The following HERPUD2 variants were observed in gnomAD, a reference collection of about 807,000 sequenced individuals.
The protein encoded by HERPUD2 is HERPUD family member 2.
Under a neutral mutation model 49.9 loss-of-function variants are expected in HERPUD2, and 13 were observed. That is an observed-to-expected ratio of 0.26 (90% CI 0.17 to 0.41). HERPUD2 has a LOEUF of 0.41. Among genes scored for constraint, HERPUD2 ranks in the 10% least tolerant of loss-of-function variants. HERPUD2 has a pLI of 1.00. For missense variants in HERPUD2, 449 were observed against 492.2 expected (o/e 0.91, Z 0.83); for synonymous variants, 172 against 171.4 (o/e 1.00, Z -0.03).
At chr7:35,665,317 G>A (rs1460578499) in intron 5 of HERPUD2, among the ~76,000 whole-genome samples, 1 of 152,230 alleles carries the variant, frequency 6.6e-6, no homozygotes, top group East Asian at 1.9e-4. Flanking sequence ...CTCGGCAATG[G>A]CAGATGCCCC....
chr7:35,661,148 T>C (rs1482243217), intron 5 of HERPUD2, among the ~76,000 whole-genome samples: 2 of 152,196 alleles, frequency 1.3e-5, no homozygotes, highest in South Asian at 2.1e-4. Context: ...CCTTTCCCCA[T>C]TTCTTGTTTT....
chr7:35,689,610 C>T (rs1456624491), intron 2 of HERPUD2, among the ~76,000 whole-genome samples: 1 of 152,118 alleles, frequency 6.6e-6, no homozygotes, highest in Non-Finnish European at 1.5e-5. Context: ...ACAACAGAAC[C>T]TATATATACA....
chr7:35,686,747 C>CAAAA lies in HERPUD2; in HGVS notation c.147+7436_147+7437insTTTT, dbSNP rs1187930200. 3.2e-3 allele frequency among the ~76,000 whole-genome samples: 66 copies of CAAAA among 20,666 alleles called. 6 individuals carry two copies. Among genetic ancestry groups the CAAAA allele is most frequent in the East Asian group, 9.0e-3 (3 of 332 alleles). 13.6% of individuals were successfully genotyped at this position (20,666 alleles called of 152,430 possible). ...AAAAAAAAAAAAAAAAAAAAAAAAC[C>CAAAA]AAACCCATTTCCAGGCCAGGGGTGG... On this transcript the variant is annotated intron_variant, in intron 2 of 8. Coordinates refer to ENST00000311350, the MANE Select transcript of HERPUD2 (RefSeq NM_022373.5).
At chr7:35,656,741 G>A (rs1785283042) in intron 5 of HERPUD2, among the ~76,000 whole-genome samples, 2 of 152,100 alleles carry the variant, frequency 1.3e-5, no homozygotes, top group Admixed American at 1.3e-4. Flanking sequence ...CAACAAAGGT[G>A]TCAAGAACAT....
intron 5 of HERPUD2, among the ~76,000 whole-genome samples, chr7:35,645,178 A>G (rs1241251802): frequency 6.6e-6 from 1 of 152,238 alleles, no homozygotes; most frequent in African/African-American, 2.4e-5. Context: ...AGTACAATAA[A>G]GTCTTTAAAA....
At chr7:35,662,014 T>C (rs1785435011) in intron 5 of HERPUD2, among the ~76,000 whole-genome samples, 1 of 152,240 alleles carries the variant, frequency 6.6e-6, no homozygotes, top group Non-Finnish European at 1.5e-5. Context: ...TGTGGGTGTG[T>C]CATAAACAGC....
chr7:35,679,541 G>C (rs1785834723), intron 2 of HERPUD2, among the ~76,000 whole-genome samples: 1 of 152,192 alleles, frequency 6.6e-6, no homozygotes, highest in African/African-American at 2.4e-5. Flanking sequence ...TTTATCATTT[G>C]CTTCTCTGGA....
chr7:35,637,176 T>G, intron 6 of HERPUD2, among the ~76,000 whole-genome samples: 2 of 144,144 alleles, frequency 1.4e-5, no homozygotes. Context: ...GATAGATAGA[T>G]AGATAGATAG....
intron 5 of HERPUD2, among the ~76,000 whole-genome samples, 170 bp from the exon 6 acceptor site, chr7:35,638,642 T>C (rs1784913627): frequency 6.6e-6 from 1 of 152,260 alleles, no homozygotes; most frequent in Admixed American, 6.5e-5. Flanking sequence ...ATGTCTTACA[T>C]AAGTTGACCC....
Position 35,638,483 on chromosome 7 carries a change from T to TA in HERPUD2, c.495-12dup. On this transcript the variant is annotated splice_polypyrimidine_tract_variant and intron_variant, in intron 5 of 8. Transcript: ENST00000311350. Reference sequence around the variant, plus strand: ...TGGTTGTCTACATTTCTGCAAGAAATAAATAATGAGCTCTTTTAATGCTCT... The same window carrying TA: ...TGGTTGTCTACATTTCTGCAAGAAATAAAATAATGAGCTCTTTTAATGCTCT... 6.2e-7 allele frequency: 1 copy of TA among 1,611,004 alleles called. No individual in the cohort carries two copies. Among genetic ancestry groups the TA allele is most frequent in the Non-Finnish European group, 8.5e-7 (1 of 1,178,386 alleles).
chr7:35,635,844 C>T (rs1479838677), intron 6 of HERPUD2, among the ~76,000 whole-genome samples: 2 of 152,174 alleles, frequency 1.3e-5, no homozygotes, highest in South Asian at 4.1e-4. Context: ...TCACCACCTA[C>T]CTCTCCCTCA....
At chr7:35,677,492 G>C (rs1785788708) in intron 2 of HERPUD2, among the ~76,000 whole-genome samples, 1 of 152,070 alleles carries the variant, frequency 6.6e-6, no homozygotes, top group African/African-American at 2.4e-5. Context: ...CATTGATAAA[G>C]GTAATCTTGA....
At chr7:35,680,191 G>A (rs1562685111) in intron 2 of HERPUD2, among the ~76,000 whole-genome samples, 1 of 152,136 alleles carries the variant, frequency 6.6e-6, no homozygotes, top group Non-Finnish European at 1.5e-5. Flanking sequence ...AGGACTGCTT[G>A]AGCCCAGGAG....
chr7:35,664,669 C>T (rs1785500401), intron 5 of HERPUD2, among the ~76,000 whole-genome samples: 7 of 152,154 alleles, frequency 4.6e-5, no homozygotes, highest in Admixed American at 4.6e-4. Context: ...CCCTTTCTTC[C>T]ATTTAATCAA....
chr7:35,654,220 C>A (rs58364274), intron 5 of HERPUD2, among the ~76,000 whole-genome samples: 4,359 of 150,966 alleles, frequency 0.029, 186 homozygotes, highest in African/African-American at 0.098. Context: ...TAATAAAGAT[C>A]AGGATAGACT....
In HERPUD2 at chr7:35,635,374, A is replaced by G. The variant is rs1232361880; in HGVS notation, c.702T>C (p.Val234=). 1 of 1,614,002 alleles carries G rather than the reference A, an allele frequency of 6.2e-7. No homozygotes were observed. The highest frequency in any genetic ancestry group is 1.7e-5 in the Admixed American group (1 of 60,000). ...TTSQPLNLAH[V]PGEEPPPAPN... ...GAGCTGGTGGGGGTTCTTCTCCAGG[A>G]ACATGTGCCAAATTTAGAGGCTGTG... The change falls in exon 7 of 9, where the codon GTT becomes GTC. Residue 234 remains valine (V), a synonymous_variant. Coordinates refer to ENST00000311350, the MANE Select transcript of HERPUD2 (RefSeq NM_022373.5).
At position 35,694,611 on chromosome 7, in the gene HERPUD2, C is replaced by G; in HGVS notation, c.-281G>C. 1 of 426,276 alleles carries G rather than the reference C, an allele frequency of 2.3e-6. No individual in the cohort carries two copies. Among genetic ancestry groups the G allele is most frequent in the Non-Finnish European group, 4.4e-6 (1 of 229,820 alleles). The allele number at this position is 426,276 out of a possible 1,614,324, so 26.4% of individuals were successfully genotyped here. A position where few individuals can be genotyped will look rare whatever the true frequency, so the allele number is the denominator to read the frequency against. ...CCGGGCTCCGGACTGTGGAGGCCGT[C>G]GTGAGGAGAAAGGAAGCTATACGAA... On this transcript the variant is annotated 5_prime_UTR_variant, in exon 2 of 9. Coordinates refer to ENST00000311350, the MANE Select transcript of HERPUD2 (RefSeq NM_022373.5).
chr7:35,643,243 TCTGAC>T (rs1784996241), intron 5 of HERPUD2, among the ~76,000 whole-genome samples: 1 of 152,198 alleles, frequency 6.6e-6, no homozygotes. Flanking sequence ...ACATTTACTC[TCTGAC>T]CTATCTACTT....
intron 4 of HERPUD2, among the ~76,000 whole-genome samples, chr7:35,669,673 G>A (rs1478824295): frequency 2.6e-5 from 4 of 152,034 alleles, no homozygotes; most frequent in Non-Finnish European, 5.9e-5. Context: ...TAAGGATGGA[G>A]GAATGAATAC....
Sources: allele counts gnomAD v4.1 joint callset (sites outside exome capture counted in the v4.1 genomes callset), GRCh38; gene constraint gnomAD v4.1.1; transcripts MANE v1.5; gene names NCBI Gene and HGNC (gene_info 2026-07-23, HGNC 2026-07-21).